The following CBLB variants were observed in gnomAD, a reference collection of about 807,000 sequenced individuals.
CBLB encodes Cbl proto-oncogene B, also known as E3 ubiquitin-protein ligase CBL-B.
CBLB carries 31 observed loss-of-function variants against 104.9 expected under a neutral mutation model. That is an observed-to-expected ratio of 0.30 (90% confidence interval 0.22 to 0.40). CBLB has a LOEUF of 0.40. Ranked by LOEUF, CBLB falls within the 10% of genes least tolerant of loss-of-function variation. The pLI is 1.00. For synonymous variants in CBLB, 440 were observed against 422.6 expected (o/e 1.04, Z -0.51); for missense variants, 1,062 against 1,214.6 (o/e 0.87, Z 1.87).
At chr3:105,745,894 A>G in intron 6 of CBLB, 23 bp downstream of exon 6, 3 of 1,605,052 alleles carry the variant, frequency 1.9e-6, no homozygotes, top group South Asian at 2.2e-5. Flanking sequence ...ATATCACATA[A>G]TATTACTGCT....
chr3:105,825,302 A>G (rs142254933), intron 3 of CBLB, among the ~76,000 whole-genome samples: 1 of 152,286 alleles, frequency 6.6e-6, no homozygotes, highest in African/African-American at 2.4e-5. Context: ...CCTTAAACCT[A>G]TCTTCCACTC....
At chr3:105,789,670 A>C (rs1167365548) in intron 3 of CBLB, among the ~76,000 whole-genome samples, 1 of 152,190 alleles carries the variant, frequency 6.6e-6, no homozygotes, top group African/African-American at 2.4e-5. Flanking sequence ...ATGTAAGCAA[A>C]GACATAGAAT....
At chr3:105,822,215 T>C (rs1408628516) in intron 3 of CBLB, among the ~76,000 whole-genome samples, 1 of 152,148 alleles carries the variant, frequency 6.6e-6, no homozygotes, top group Non-Finnish European at 1.5e-5. Flanking sequence ...CACTTTTGAA[T>C]GGGATAACAT....
At chr3:105,769,950 A>C (rs1396011323) in intron 4 of CBLB, among the ~76,000 whole-genome samples, 1 of 152,212 alleles carries the variant, frequency 6.6e-6, no homozygotes, top group African/African-American at 2.4e-5. Flanking sequence ...ATGAATTTAA[A>C]TTTGAAGAAG....
intron 2 of CBLB, 127 bp downstream of exon 2, chr3:105,867,283 G>T: frequency 3.0e-6 from 3 of 990,694 alleles, no homozygotes; most frequent in Non-Finnish European, 4.8e-6. Flanking sequence ...GAAGAAAAAT[G>T]ATGAATTGAA....
Position 105,740,022 on chromosome 3 carries a change from G to C in CBLB, c.983+472C>G, listed in dbSNP as rs140867837. Among the ~76,000 whole-genome samples, 268 of 152,334 alleles carry C rather than the reference G, an allele frequency of 1.8e-3. 2 individuals carry two copies. Among genetic ancestry groups the C allele is most frequent in the Middle Eastern group, 3.4e-3 (1 of 294 alleles). On this transcript the variant is annotated intron_variant, in intron 7 of 18. Transcript: ENST00000394030. Reference sequence around the variant, plus strand: ...GGAGGCTGAGGCAGGGGAATCCCTTGAACCCAGGAGGCGGAGGTTGCAGTG... The same window carrying C: ...GGAGGCTGAGGCAGGGGAATCCCTTCAACCCAGGAGGCGGAGGTTGCAGTG...
chr3:105,841,545 C>G (rs193170519), intron 3 of CBLB, among the ~76,000 whole-genome samples: 1 of 150,920 alleles, frequency 6.6e-6, no homozygotes, highest in Non-Finnish European at 1.5e-5. Flanking sequence ...CTCCGCCTCC[C>G]GGATTCACGC....
At position 105,706,096 on chromosome 3, in the gene CBLB, C is replaced by T. The variant is rs1014986435; in HGVS notation, c.1408-1923G>A. Among the ~76,000 whole-genome samples the T allele has an allele frequency of 4.6e-5, 7 of 152,054 alleles. No homozygotes were observed. In the South Asian group the frequency reaches 8.3e-4, roughly 18 times the overall value. ...GTTTGACTCTACAGTAAGCTATAAT[C>T]GTACCACTGCACTCCAGCCTGGGCA... On this transcript the variant is annotated intron_variant, in intron 10 of 18. Coordinates refer to ENST00000394030, the MANE Select transcript of CBLB (RefSeq NM_170662.5).
intron 13 of CBLB, among the ~76,000 whole-genome samples, chr3:105,692,314 A>G (rs1559840997): frequency 6.6e-6 from 1 of 152,224 alleles, no homozygotes; most frequent in Admixed American, 6.5e-5. Context: ...TTTTGTCCTC[A>G]AAGTCTTGTA....
intron 3 of CBLB, among the ~76,000 whole-genome samples, chr3:105,785,288 C>A (rs1379438383): frequency 6.6e-6 from 1 of 152,080 alleles, no homozygotes; most frequent in Non-Finnish European, 1.5e-5. Context: ...TAGGAATAGC[C>A]TATAAAATTA....
intron 3 of CBLB, 144 bp from the exon 4 acceptor site, chr3:105,776,686 ATGC>A: frequency 1.4e-6 from 1 of 717,564 alleles, no homozygotes. Flanking sequence ...CCTCAACTTA[ATGC>A]TGCCCTTAAA....
intron 3 of CBLB, among the ~76,000 whole-genome samples, chr3:105,806,295 ATACTCAT>A (rs1577360509): frequency 3.9e-5 from 6 of 152,182 alleles, no homozygotes; most frequent in Non-Finnish European, 7.3e-5. Context: ...ACTTCTGTAC[ATACTCAT>A]GTAAATACCT....
rs1303004041 is a variant in CBLB at position 105,665,404 on chromosome 3, AATAAATAAATAAATATATAT to A, written c.2689+4809_2689+4828del. Among the ~76,000 whole-genome samples the A allele has an allele frequency of 1.8e-4, 11 of 62,488 alleles. 1 individual carries two copies. Among genetic ancestry groups the A allele is most frequent in the South Asian group, 8.5e-4 (1 of 1,172 alleles). The allele number at this position is 62,488 out of a possible 152,430, so 41.0% of individuals were successfully genotyped here. A position where few individuals can be genotyped will look rare whatever the true frequency, so the allele number is the denominator to read the frequency against. The stretch of plus-strand genomic sequence containing the variant: ...CTGTCTCCAAAAAAATAAATAAATA[AATAAATAAATAAATATATAT>A]ATATATATATATATATATACACACA... On this transcript the variant is annotated intron_variant, in intron 18 of 18. Coordinates refer to ENST00000394030, the MANE Select transcript of CBLB (RefSeq NM_170662.5).
At chr3:105,719,920 T>A (rs1031253185) in intron 10 of CBLB, 127 bp downstream of exon 10, 2 of 746,314 alleles carry the variant, frequency 2.7e-6, no homozygotes, top group South Asian at 2.9e-5. Flanking sequence ...TGTACAGGCC[T>A]AGGCTAGTAT....
At chr3:105,705,035 T>C (rs2069866364) in intron 10 of CBLB, among the ~76,000 whole-genome samples, 2 of 134,858 alleles carry the variant, frequency 1.5e-5, no homozygotes, top group Non-Finnish European at 3.3e-5. Context: ...TCTAAAATAC[T>C]GGGCAGTTTC....
chr3:105,698,778 A>G (rs1464529905), intron 12 of CBLB, among the ~76,000 whole-genome samples: 2 of 152,044 alleles, frequency 1.3e-5, no homozygotes, highest in Non-Finnish European at 2.9e-5. Flanking sequence ...AACATCTACT[A>G]TTTTCATTAA....
intron 10 of CBLB, among the ~76,000 whole-genome samples, chr3:105,704,565 C>T (rs189969885): frequency 3.9e-5 from 6 of 152,136 alleles, no homozygotes; most frequent in Admixed American, 3.9e-4. Flanking sequence ...GAGCTTTGTA[C>T]ATTCTAATAC....
At chr3:105,820,545 A>G (rs972045143) in intron 3 of CBLB, among the ~76,000 whole-genome samples, 2 of 152,118 alleles carry the variant, frequency 1.3e-5, no homozygotes, top group East Asian at 1.9e-4. Flanking sequence ...AAGCAATTCT[A>G]CTCTGCCACT....
At chr3:105,860,552 G>A (rs1227442743) in intron 2 of CBLB, among the ~76,000 whole-genome samples, 1 of 152,084 alleles carries the variant, frequency 6.6e-6, no homozygotes, top group Non-Finnish European at 1.5e-5. Context: ...GTTCTTCTTC[G>A]GGAAACCTCT....
Sources: allele counts gnomAD v4.1 joint callset (sites outside exome capture counted in the v4.1 genomes callset), GRCh38; gene constraint gnomAD v4.1.1; transcripts MANE v1.5; gene names NCBI Gene and HGNC (gene_info 2026-07-23, HGNC 2026-07-21).